Variants in DLG2 observed in about 807,000 individuals in gnomAD.
DLG2 encodes discs large MAGUK scaffold protein 2.
Under a neutral mutation model 132.5 loss-of-function variants are expected in DLG2, and 45 were observed. The ratio of observed to expected loss-of-function variants is 0.34; its 90% CI spans 0.27 to 0.44. The LOEUF (loss-of-function observed/expected upper bound fraction) is 0.44, where lower values mean the gene tolerates loss of function less well. Ranked by LOEUF, DLG2 falls within the 20% of genes least tolerant of loss-of-function variation. The pLI, the probability that DLG2 is intolerant of heterozygous loss-of-function variation, is 1.00. For synonymous variants in DLG2, 424 were observed against 419.6 expected, an observed-to-expected ratio of 1.01 and a Z score of -0.13; for missense variants, 1,045 against 1,196.9, an observed-to-expected ratio of 0.87 and a Z score of 1.87.
At chr11:84,625,549 T>C (rs1348867544) in intron 6 of DLG2, among the ~76,000 whole-genome samples, 1 of 152,326 alleles carries the variant, frequency 6.6e-6, no homozygotes, top group East Asian at 1.9e-4. Flanking sequence ...CACAATCTTA[T>C]GATCCATGAA....
At chr11:85,597,495 TAC>T (rs1453095265) in intron 3 of DLG2, among the ~76,000 whole-genome samples, 2 of 151,994 alleles carry the variant, frequency 1.3e-5, no homozygotes, top group Non-Finnish European at 2.9e-5. Flanking sequence ...CTAAGATGAT[TAC>T]AGTTATGTCA....
chr11:83,617,661 G>T (rs1348737015), intron 19 of DLG2, among the ~76,000 whole-genome samples: 1 of 152,104 alleles, frequency 6.6e-6, no homozygotes, highest in African/African-American at 2.4e-5. Flanking sequence ...GTAGAGTAGT[G>T]ATAGAAGGTG....
chr11:85,538,450 G>A lies in DLG2; in HGVS notation c.40+60207C>T, dbSNP rs150996508. On this transcript the variant is annotated intron_variant, in intron 3 of 27. Coordinates refer to ENST00000376104, the MANE Select transcript of DLG2 (RefSeq NM_001142699.3). ...AGTGTGGTGATTCCTCAAAGACCTA[G>A]AACCAGAAATACCATTTGACCCAGC... Among the ~76,000 whole-genome samples, 768 of 151,944 alleles carry A rather than the reference G, an allele frequency of 5.1e-3. 21 individuals carry two copies. Among genetic ancestry groups the A allele is most frequent in the African/African-American group, 0.018 (752 of 41,252 alleles).
intron 6 of DLG2, among the ~76,000 whole-genome samples, chr11:84,661,792 G>A (rs2099694673): frequency 6.6e-6 from 1 of 152,008 alleles, no homozygotes; most frequent in Admixed American, 6.6e-5. Context: ...GAAATAACTT[G>A]GCAGGACTTA....
intron 20 of DLG2, among the ~76,000 whole-genome samples, chr11:83,540,906 G>A (rs1159296648): frequency 6.6e-6 from 1 of 152,136 alleles, no homozygotes; most frequent in African/African-American, 2.4e-5. Context: ...GTGCCAAAGG[G>A]ACATTTGTGA....
intron 6 of DLG2, among the ~76,000 whole-genome samples, chr11:84,714,504 G>A (rs1158271930): frequency 1.3e-5 from 2 of 151,676 alleles, no homozygotes; most frequent in African/African-American, 4.9e-5. Flanking sequence ...CCCTCTGGAG[G>A]CTGGGAGCCC....
intron 5 of DLG2, among the ~76,000 whole-genome samples, chr11:85,148,526 T>C (rs2077009841): frequency 6.6e-6 from 1 of 152,258 alleles, no homozygotes; most frequent in Admixed American, 6.5e-5. Flanking sequence ...TTAATTCATA[T>C]GTTTGTTGGC....
At chr11:83,873,244 A>C (rs886331915) in intron 16 of DLG2, among the ~76,000 whole-genome samples, 1 of 152,184 alleles carries the variant, frequency 6.6e-6, no homozygotes, top group East Asian at 1.9e-4. Context: ...TCAGAAAAAA[A>C]AATACCTATC....
At chr11:84,383,248 G>A (rs1387573570) in intron 7 of DLG2, among the ~76,000 whole-genome samples, 12 of 151,424 alleles carry the variant, frequency 7.9e-5, no homozygotes, top group South Asian at 6.3e-4. Context: ...TTAGCACGGC[G>A]TCCATTCCCC....
At chr11:84,411,795 C>T (rs1244379231) in intron 7 of DLG2, among the ~76,000 whole-genome samples, 2 of 152,166 alleles carry the variant, frequency 1.3e-5, no homozygotes, top group African/African-American at 2.4e-5. Context: ...ACAGTTATTG[C>T]TTACTATTTC....
chr11:83,461,333 C>T (rs2089973314), intron 27 of DLG2, among the ~76,000 whole-genome samples: 1 of 152,092 alleles, frequency 6.6e-6, no homozygotes, highest in African/African-American at 2.4e-5. Context: ...CCTCCGGGAA[C>T]CAGGTGTAAG....
intron 1 of DLG2, 29 bp from the exon 2 acceptor site, chr11:85,626,782 A>G (rs1385927162): frequency 6.6e-6 from 1 of 152,138 alleles, no homozygotes. Flanking sequence ...ATAATGATGT[A>G]TTTTTTCCAC....
intron 6 of DLG2, among the ~76,000 whole-genome samples, chr11:84,537,174 T>C (rs547948785): frequency 1.3e-5 from 2 of 152,258 alleles, no homozygotes; most frequent in Non-Finnish European, 2.9e-5. Flanking sequence ...TGGCACGATC[T>C]CAGCTCACTG....
intron 4 of DLG2, among the ~76,000 whole-genome samples, chr11:85,260,135 G>T (rs1407073239): frequency 6.6e-6 from 1 of 152,092 alleles, no homozygotes; most frequent in Non-Finnish European, 1.5e-5. Context: ...TGCATTATTT[G>T]TAAAAAGGGG....
chr11:85,322,965 A>T (rs532854206), intron 3 of DLG2, among the ~76,000 whole-genome samples: 1 of 152,350 alleles, frequency 6.6e-6, no homozygotes, highest in African/African-American at 2.4e-5. Flanking sequence ...TCTGATCATG[A>T]TGCACACACA....
At chr11:83,741,834 C>T (rs1350878302) in intron 18 of DLG2, among the ~76,000 whole-genome samples, 3 of 151,878 alleles carry the variant, frequency 2.0e-5, no homozygotes, top group East Asian at 3.9e-4. Context: ...TGGTGAAACC[C>T]TGTCTCTACT....
chr11:85,110,110 T>A (rs981517598), intron 6 of DLG2, among the ~76,000 whole-genome samples: 1 of 152,026 alleles, frequency 6.6e-6, no homozygotes. Context: ...GATGTAGGAA[T>A]CAGTAGTTAT....
At chr11:84,947,718 CAG>C (rs2050397052) in intron 6 of DLG2, among the ~76,000 whole-genome samples, 3 of 152,178 alleles carry the variant, frequency 2.0e-5, no homozygotes, top group Admixed American at 2.0e-4. Flanking sequence ...CAAATATTTG[CAG>C]AAAGTGGAGA....
In DLG2 at chr11:84,502,330, CTTT is replaced by C. The variant is rs1567805733; in HGVS notation, c.519+32237_519+32239del. On this transcript the variant is annotated intron_variant, in intron 7 of 27. Coordinates refer to ENST00000376104, the MANE Select transcript of DLG2 (RefSeq NM_001142699.3). ...TCTTTCTTTCTTTCTTTCTTTCTTTCTTTCTTTCTTTCTTTCTTTCTTTCTTTC... is the reference window on the plus strand; with the variant it reads ...TCTTTCTTTCTTTCTTTCTTTCTTTCCTTTCTTTCTTTCTTTCTTTCTTTC... 1.8e-3 allele frequency among the ~76,000 whole-genome samples: 37 copies of C among 20,520 alleles called. 2 individuals carry two copies. The highest frequency in any genetic ancestry group is 4.8e-3 in the Admixed American group (9 of 1,892). The allele number at this position is 20,520 out of a possible 152,430, so 13.5% of individuals were successfully genotyped here. A position where few individuals can be genotyped will look rare whatever the true frequency, so the allele number is the denominator to read the frequency against.
Sources: allele counts gnomAD v4.1 joint callset (sites outside exome capture counted in the v4.1 genomes callset), GRCh38; gene constraint gnomAD v4.1.1; transcripts MANE v1.5; gene names NCBI Gene and HGNC (gene_info 2026-07-23, HGNC 2026-07-21).